The following RAPGEF2 variants were observed in gnomAD, a reference collection of about 807,000 sequenced individuals.
RAPGEF2 encodes the protein Rap guanine nucleotide exchange factor 2, also known as PDZ domain containing guanine nucleotide exchange factor (GEF) 1.
A neutral mutation model predicts 186.7 loss-of-function variants in RAPGEF2; 54 were observed. The ratio of observed to expected loss-of-function variants is 0.29; its 90% CI spans 0.23 to 0.36. The LOEUF (loss-of-function observed/expected upper bound fraction) is 0.36, where lower values mean the gene tolerates loss of function less well. Ranked by LOEUF, RAPGEF2 falls within the 10% of genes least tolerant of loss-of-function variation. The probability of loss-of-function intolerance (pLI) is 1.00; values close to 1 mark genes in which losing one functional copy is unlikely to be tolerated. For missense variants in RAPGEF2, 1,532 were observed against 2,045.0 expected (o/e 0.75, Z 4.84); for synonymous variants, 712 against 705.9 (o/e 1.01, Z -0.14).
At chr4:159,327,148 A>G (rs1468169816) in intron 11 of RAPGEF2, 1 of 152,176 alleles carries the variant, frequency 6.6e-6, no homozygotes, top group Admixed American at 6.5e-5. Context: ...GTTTAATTTT[A>G]TTTCATTCAT....
chr4:159,349,382 T>G (rs528438202), intron 25 of RAPGEF2, among the ~76,000 whole-genome samples: 7 of 152,236 alleles, frequency 4.6e-5, no homozygotes, highest in African/African-American at 1.7e-4. Context: ...GTAAAATATT[T>G]CAGTGTAACT....
rs1311512531 is a variant in RAPGEF2, at chr4:159,350,178, T to C, written c.3754T>C (p.Ser1252Pro). 3 of 1,580,596 alleles carry C rather than the reference T, an allele frequency of 1.9e-6. No homozygotes were observed. Among genetic ancestry groups the C allele is most frequent in the Non-Finnish European group, 2.6e-6 (3 of 1,163,218 alleles). The change falls in exon 26 of 30, where the codon TCT becomes CCT. Residue 1252 changes from serine to proline, a missense_variant. Around this residue, in one of 4 missense-constraint regions of RAPGEF2, gnomAD observed 594 missense variants for 608.5 expected, o/e 0.98. Coordinates refer to ENST00000691494, the MANE Select transcript of RAPGEF2 (RefSeq NM_001394067.2). ...PQALKKILSL[S>P]EEGSLERHKK... The stretch of plus-strand genomic sequence containing the variant: ...AGCTTTAAAAAAAATTCTTTCTTTG[T>C]CTGAAGAAGGAAGTTTGGAACGTCA...
At chr4:159,167,358 TA>T (rs780800250) in intron 1 of RAPGEF2, among the ~76,000 whole-genome samples, 1 of 151,910 alleles carries the variant, frequency 6.6e-6, no homozygotes, top group Non-Finnish European at 1.5e-5. Flanking sequence ...TGGTGGTTTG[TA>T]AAAAAAAGTC....
rs1373636352 is a variant in RAPGEF2, at chr4:159,212,387, G to A, written c.281+1804G>A. Among the ~76,000 whole-genome samples, 9 of 152,246 alleles carry A rather than the reference G, an allele frequency of 5.9e-5. 1 individual carries two copies. In the South Asian group the frequency reaches 1.9e-3, roughly 32 times the overall value. ...AAATTACATATAATTTAATATAAAA[G>A]TAGTAATTACTACATACATTTTCAA... On this transcript the variant is annotated intron_variant, in intron 4 of 29. Transcript: ENST00000691494.
chr4:159,142,083 C>T (rs1431570280), intron 1 of RAPGEF2, among the ~76,000 whole-genome samples: 2 of 152,048 alleles, frequency 1.3e-5, no homozygotes, highest in Non-Finnish European at 2.9e-5. Flanking sequence ...GTAGGAATAG[C>T]AATTTTATCT....
intron 7 of RAPGEF2, among the ~76,000 whole-genome samples, chr4:159,298,148 A>G (rs1762239244): frequency 6.6e-6 from 1 of 152,322 alleles, no homozygotes; most frequent in South Asian, 2.1e-4. Context: ...GTCTACCTGT[A>G]GTTTAATCAG....
intron 1 of RAPGEF2, among the ~76,000 whole-genome samples, chr4:159,179,677 A>T (rs996087818): frequency 6.6e-6 from 1 of 152,208 alleles, no homozygotes; most frequent in Non-Finnish European, 1.5e-5. Flanking sequence ...ATGAAGGTTG[A>T]AACTTCTGTG....
rs1286074528 is a variant in RAPGEF2 at position 159,191,654 on chromosome 4, G to A, written c.141-1546G>A. ...CTTGGGAGGCTGAGGCAGGAGAATT[G>A]CTTGAACCCGGGAGGTGGAGGTTGC... On this transcript the variant is annotated intron_variant, in intron 2 of 29. Transcript: ENST00000691494. 3.9e-5 allele frequency among the ~76,000 whole-genome samples: 6 copies of A among 152,106 alleles called. No homozygotes were observed. In the South Asian group the frequency reaches 1.0e-3, roughly 26 times the overall value.
rs759822809 is a variant in RAPGEF2 at position 159,352,849 on chromosome 4, A to G, written c.4030A>G (p.Asn1344Asp). The change falls in exon 27 of 30, where the codon AAC (asparagine) becomes GAC (aspartate). Residue 1344 changes from asparagine (N) to aspartate (D), a missense_variant. Around this residue, in one of 4 missense-constraint regions of RAPGEF2, gnomAD observed 594 missense variants for 608.5 expected, o/e 0.98. Transcript: ENST00000691494. ...QRHSVSIVET[N>D]LGMGRMERRT... ...GCATTCTGTCAGCATCGTGGAAACA[A>G]ACCTAGGGATGGGCAGGATGGAGAG... 1 of 1,614,090 alleles carries G rather than the reference A, an allele frequency of 6.2e-7. No individual in the cohort carries two copies. Among genetic ancestry groups the G allele is most frequent in the South Asian group, 1.1e-5 (1 of 91,084 alleles).
chr4:159,265,510 A>G (rs752645591), intron 7 of RAPGEF2, among the ~76,000 whole-genome samples: 1 of 152,238 alleles, frequency 6.6e-6, no homozygotes, highest in African/African-American at 2.4e-5. Context: ...AGCCCCTGCA[A>G]CTTGGGAGTG....
intron 1 of RAPGEF2, among the ~76,000 whole-genome samples, chr4:159,117,520 C>T (rs966714784): frequency 6.6e-6 from 1 of 151,584 alleles, no homozygotes; most frequent in African/African-American, 2.4e-5. Flanking sequence ...TGGGAGGCAA[C>T]ATGCTAAAAT....
intron 1 of RAPGEF2, among the ~76,000 whole-genome samples, chr4:159,177,989 CTTATGT>C (rs1428459364): frequency 1.3e-5 from 2 of 152,146 alleles, no homozygotes; most frequent in Admixed American, 6.5e-5. Context: ...TCTCTTCCTC[CTTATGT>C]TTAAGTCCAT....
intron 3 of RAPGEF2, among the ~76,000 whole-genome samples, chr4:159,197,425 C>CCA (rs34284421): frequency 0.49 from 74,431 of 151,626 alleles, 20,057 homozygotes; most frequent in African/African-American, 0.74. Context: ...GTTTAAGTGT[C>CCA]CACACACACA....
chr4:159,284,717 A>G (rs1252908829), intron 7 of RAPGEF2, among the ~76,000 whole-genome samples: 1 of 152,240 alleles, frequency 6.6e-6, no homozygotes, highest in Non-Finnish European at 1.5e-5. Flanking sequence ...TATATGAAAT[A>G]TATAAAATTC....
chr4:159,128,438 A>G (rs1198978151), intron 1 of RAPGEF2, among the ~76,000 whole-genome samples: 2 of 152,200 alleles, frequency 1.3e-5, no homozygotes, highest in Non-Finnish European at 2.9e-5. Context: ...ACATGAATGT[A>G]AAGTATTACT....
intron 1 of RAPGEF2, among the ~76,000 whole-genome samples, chr4:159,178,259 A>G (rs10015584): frequency 0.48 from 73,161 of 151,972 alleles, 19,307 homozygotes; most frequent in African/African-American, 0.71. Flanking sequence ...CAAAGAGTCT[A>G]TACAGGATAG....
intron 1 of RAPGEF2, among the ~76,000 whole-genome samples, chr4:159,119,407 T>C (rs535175060): frequency 9.2e-5 from 14 of 152,346 alleles, no homozygotes; most frequent in African/African-American, 3.1e-4. Context: ...ATGGCTACTC[T>C]TGGCTGCAAA....
chr4:159,322,476 G>A lies in RAPGEF2; in HGVS notation c.983G>A (p.Gly328Asp), dbSNP rs767998175. 1.9e-6 allele frequency: 3 copies of A among 1,613,266 alleles called. No individual in the cohort carries two copies. Among genetic ancestry groups the A allele is most frequent in the Admixed American group, 1.7e-5 (1 of 60,018 alleles). Residue 328 changes from glycine (G) to aspartate (D), a missense_variant, in exon 10 of 30, where the codon GGT becomes GAT. Gly to Asp is a moderately conservative substitution (Grantham distance 94). Coordinates refer to ENST00000691494, the MANE Select transcript of RAPGEF2 (RefSeq NM_001394067.2). ...GCAGGGACCATAGTGTTAAATGATG[G>A]TGAAGAGGTGAGTAACTATTCCTAC... ...ERAGTIVLND[G>D]EELDSWSVIL...
intron 1 of RAPGEF2, among the ~76,000 whole-genome samples, chr4:159,182,325 T>A (rs963040020): frequency 2.0e-5 from 3 of 152,022 alleles, no homozygotes; most frequent in African/African-American, 7.2e-5. Context: ...AACATTGTTT[T>A]AAGGAGTAAA....
Sources: allele counts gnomAD v4.1 joint callset (sites outside exome capture counted in the v4.1 genomes callset), GRCh38; gene constraint gnomAD v4.1.1; regional missense constraint gnomAD v4.1.1; transcripts MANE v1.5; gene names NCBI Gene and HGNC (gene_info 2026-07-23, HGNC 2026-07-21).